The following XRCC4 variants were observed in gnomAD, a reference collection of about 807,000 sequenced individuals.
The protein encoded by XRCC4 is X-ray repair cross complementing 4.
XRCC4 carries 28 observed loss-of-function variants against 39.1 expected under a neutral mutation model. That is an observed-to-expected ratio of 0.72 (90% CI 0.53 to 0.98). The LOEUF is 0.98. Ranked by LOEUF, XRCC4 falls within the 50% of genes least tolerant of loss-of-function variation. The pLI, the probability that XRCC4 is intolerant of heterozygous loss-of-function variation, is 0.00. For synonymous variants in XRCC4, 123 were observed against 126.4 expected, an observed-to-expected ratio of 0.97 and a Z score of 0.18; for missense variants, 350 against 376.4, an observed-to-expected ratio of 0.93 and a Z score of 0.58.
intron 6 of XRCC4, among the ~76,000 whole-genome samples, chr5:83,211,058 A>G (rs1444553489): frequency 1.3e-5 from 2 of 152,242 alleles, no homozygotes; most frequent in African/African-American, 2.4e-5. Context: ...TTTACCCCCA[A>G]ATCAACTATG....
At chr5:83,137,352 A>T (rs996386333) in intron 3 of XRCC4, among the ~76,000 whole-genome samples, 2 of 152,166 alleles carry the variant, frequency 1.3e-5, no homozygotes, top group Non-Finnish European at 2.9e-5. Flanking sequence ...TTTGGAGGGG[A>T]TGCAATGTAG....
chr5:83,225,626 A>G (rs1752258470), intron 6 of XRCC4, among the ~76,000 whole-genome samples: 3 of 147,410 alleles, frequency 2.0e-5, no homozygotes, highest in Admixed American at 6.7e-5. Flanking sequence ...AAAAAAAAAA[A>G]GGATAGGCCT....
At chr5:83,326,934 C>T (rs1756282300) in intron 7 of XRCC4, among the ~76,000 whole-genome samples, 1 of 151,922 alleles carries the variant, frequency 6.6e-6, no homozygotes, top group East Asian at 1.9e-4. Context: ...AAAAAAATTG[C>T]TTTTTTACAC....
chr5:83,110,800 G>T (rs1470508906), intron 2 of XRCC4, among the ~76,000 whole-genome samples: 1 of 152,010 alleles, frequency 6.6e-6, no homozygotes, highest in Non-Finnish European at 1.5e-5. Flanking sequence ...AGAATGTCAA[G>T]GGTTTAATGT....
chr5:83,108,216 A>G lies in XRCC4; in HGVS notation c.140-2812A>G, dbSNP rs150058031. On this transcript the variant is annotated intron_variant, in intron 2 of 7. Coordinates refer to ENST00000396027, the MANE Select transcript of XRCC4 (RefSeq NM_003401.5). ...TTCTTGGTCACTGAAGTTTTAGAGC[A>G]TCGCGTGCTTACAGCTATACTTTTT... Among the ~76,000 whole-genome samples, 761 of 152,034 alleles carry G rather than the reference A, an allele frequency of 5.0e-3. 5 individuals are homozygous for G. The highest frequency in any genetic ancestry group is 0.016 in the African/African-American group (675 of 41,540).
At chr5:83,105,094 T>G (rs1458281917) in intron 2 of XRCC4, 36 bp downstream of exon 2, 11 of 1,582,440 alleles carry the variant, frequency 7.0e-6, no homozygotes, top group African/African-American at 1.4e-5. Context: ...AAGTAAAATT[T>G]AAGTGTGCTA....
intron 7 of XRCC4, chr5:83,280,348 TCATG>T (rs2112951982): frequency 4.2e-6 from 2 of 481,554 alleles, no homozygotes; most frequent in Admixed American, 6.8e-5. Context: ...TGATACTAGA[TCATG>T]CATTTCCTTC....
At chr5:83,170,464 C>T (rs1749671525) in intron 3 of XRCC4, among the ~76,000 whole-genome samples, 1 of 152,292 alleles carries the variant, frequency 6.6e-6, no homozygotes, top group Admixed American at 6.5e-5. Context: ...CTCAGGATCT[C>T]ACAAGGCTGA....
chr5:83,341,196 T>TA (rs34326210), intron 7 of XRCC4, among the ~76,000 whole-genome samples: 15,728 of 144,680 alleles, frequency 0.11, 1,306 homozygotes, highest in East Asian at 0.48. Flanking sequence ...GTATAAGGTT[T>TA]AAAAAAAAAA....
intron 7 of XRCC4, among the ~76,000 whole-genome samples, chr5:83,320,719 C>G (rs766933907): frequency 6.6e-6 from 1 of 151,596 alleles, no homozygotes; most frequent in African/African-American, 2.4e-5. Context: ...AGACCCTGCA[C>G]CAGCAAAAAA....
At chr5:83,116,842 G>A (rs549369347) in intron 3 of XRCC4, among the ~76,000 whole-genome samples, 203 of 152,056 alleles carry the variant, frequency 1.3e-3, no homozygotes, top group Non-Finnish European at 2.4e-3. Flanking sequence ...GGCTGGTCTC[G>A]AACTCCTGAC....
intron 3 of XRCC4, among the ~76,000 whole-genome samples, chr5:83,116,876 C>A (rs1349514212): frequency 6.6e-6 from 1 of 152,052 alleles, no homozygotes; most frequent in Non-Finnish European, 1.5e-5. Flanking sequence ...CCTGCCTCGG[C>A]CTCCCAAAGT....
intron 3 of XRCC4, among the ~76,000 whole-genome samples, chr5:83,121,228 A>G (rs745574851): frequency 4.6e-5 from 7 of 152,218 alleles, no homozygotes; most frequent in Admixed American, 1.3e-4. Context: ...GTTTTGGACT[A>G]TAACCAATAA....
chr5:83,080,069 G>T (rs1744866715), intron 1 of XRCC4, among the ~76,000 whole-genome samples: 1 of 152,126 alleles, frequency 6.6e-6, no homozygotes, highest in South Asian at 2.1e-4. Context: ...ACTGTGCATG[G>T]CTTTGTCTTT....
chr5:83,330,285 A>G (rs1008642945), intron 7 of XRCC4, among the ~76,000 whole-genome samples: 47 of 152,150 alleles, frequency 3.1e-4, no homozygotes, highest in African/African-American at 1.1e-3. Context: ...TCTAGTACAT[A>G]TGCTCCAAAA....
chr5:83,242,162 T>TTGTGTG (rs60919474), intron 6 of XRCC4, among the ~76,000 whole-genome samples: 2,936 of 145,344 alleles, frequency 0.02, 43 homozygotes, highest in African/African-American at 0.028. Context: ...CGTATACACA[T>TTGTGTG]TGTGTGTGTG....
At chr5:83,252,075 A>G (rs1252755637) in intron 6 of XRCC4, among the ~76,000 whole-genome samples, 1 of 152,196 alleles carries the variant, frequency 6.6e-6, no homozygotes, top group Admixed American at 6.5e-5. Context: ...CTATTGAAGT[A>G]TGGTGTGCTA....
chr5:83,115,352 G>A (rs1235287448), intron 3 of XRCC4, among the ~76,000 whole-genome samples: 6 of 152,246 alleles, frequency 3.9e-5, no homozygotes, highest in Middle Eastern at 3.4e-3. Context: ...GCTTGAACCC[G>A]GAAGGCAGAG....
At chr5:83,093,510 A>G (rs759354470) in intron 1 of XRCC4, among the ~76,000 whole-genome samples, 2 of 152,234 alleles carry the variant, frequency 1.3e-5, no homozygotes, top group Non-Finnish European at 2.9e-5. Context: ...AGGATACACA[A>G]TCTTCTCAAA....
Sources: gnomAD v4.1 joint callset for allele counts (sites outside exome capture counted in the v4.1 genomes callset) on GRCh38, gnomAD v4.1.1 for gene constraint, MANE v1.5 for transcripts, NCBI Gene and HGNC (gene_info 2026-07-23, HGNC 2026-07-21) for gene names.